The following PIK3C2A variants were observed in gnomAD, a reference collection of about 807,000 sequenced individuals.
PIK3C2A encodes the protein phosphatidylinositol-4-phosphate 3-kinase catalytic subunit type 2 alpha, also known as phosphatidylinositol 4-phosphate 3-kinase C2 domain-containing subunit alpha.
A neutral mutation model predicts 204.5 loss-of-function variants in PIK3C2A; 97 were observed. The ratio of observed to expected loss-of-function variants is 0.47; its 90% CI spans 0.40 to 0.56. The LOEUF is 0.56. Ranked by LOEUF, PIK3C2A falls within the 20% of genes least tolerant of loss-of-function variation. The pLI, the probability that PIK3C2A is intolerant of heterozygous loss-of-function variation, is 0.00. For synonymous variants in PIK3C2A, 653 were observed against 664.4 expected (o/e 0.98, Z 0.26); for missense variants, 1,735 against 1,969.2 (o/e 0.88, Z 2.25).
chr11:17,153,104 G>A (rs1163317725), intron 3 of PIK3C2A, among the ~76,000 whole-genome samples: 1 of 152,046 alleles, frequency 6.6e-6, no homozygotes, highest in South Asian at 2.1e-4. Flanking sequence ...CAAATAAAGT[G>A]GCAATAACTT....
intron 1 of PIK3C2A, among the ~76,000 whole-genome samples, chr11:17,170,566 T>A (rs1851123560): frequency 6.6e-6 from 1 of 151,544 alleles, no homozygotes; most frequent in African/African-American, 2.5e-5. Flanking sequence ...TCCTTAAATA[T>A]TTTTATTCTT....
intron 25 of PIK3C2A, among the ~76,000 whole-genome samples, chr11:17,100,277 G>A (rs1848588665): frequency 1.3e-5 from 2 of 148,950 alleles, no homozygotes; most frequent in East Asian, 2.0e-4. Flanking sequence ...AGCCGGGTGC[G>A]ATCTTGGCTC....
At chr11:17,092,547 CTA>C (rs1848339592) in intron 28 of PIK3C2A, among the ~76,000 whole-genome samples, 1 of 152,080 alleles carries the variant, frequency 6.6e-6, no homozygotes, top group South Asian at 2.1e-4. Context: ...AATCAGATAC[CTA>C]TAATCCCAGC....
At chr11:17,090,692 G>T (rs188033481) in intron 32 of PIK3C2A, among the ~76,000 whole-genome samples, 1 of 151,866 alleles carries the variant, frequency 6.6e-6, no homozygotes, top group Non-Finnish European at 1.5e-5. Flanking sequence ...ACTGTTATTG[G>T]TGTACACTGT....
At chr11:17,206,880 A>T (rs1014382548) in intron 1 of PIK3C2A, among the ~76,000 whole-genome samples, 2 of 152,200 alleles carry the variant, frequency 1.3e-5, no homozygotes, top group African/African-American at 4.8e-5. Context: ...ATTTCAGGAC[A>T]TTCTTTAATA....
chr11:17,168,671 CTA>C lies in PIK3C2A; in HGVS notation c.1065+4_1065+5del. 1 of 1,505,918 alleles carries C rather than the reference CTA, an allele frequency of 6.6e-7. No individual in the cohort carries two copies. The highest frequency in any genetic ancestry group is 9.0e-7 in the Non-Finnish European group (1 of 1,112,910). The allele number at this position is 1,505,918 out of a possible 1,614,324, so 93.3% of individuals were successfully genotyped here. ...AGTTTGAGAAGTTAGTAAGAAAAGA[CTA>C]TACCTGAGATATATGGCCCTGGGCT... On this transcript the variant is annotated splice_donor_5th_base_variant and intron_variant, in intron 2 of 32. Transcript: ENST00000691414.
Position 17,099,873 on chromosome 11 carries a change from T to C in PIK3C2A, c.4105A>G (p.Ile1369Val), listed in dbSNP as rs1848565459. 6.7e-7 allele frequency: 1 copy of C among 1,484,030 alleles called. No homozygotes were observed. The highest frequency in any genetic ancestry group is 2.3e-5 in the East Asian group (1 of 44,228). 91.9% of individuals were successfully genotyped at this position (1,484,030 alleles called of 1,614,324 possible). The stretch of plus-strand genomic sequence containing the variant: ...AATATGCTTTACCTAGTAAAGAAAA[T>C]TGTAGCTTCTGCGTCTGTAGTTTGG... ...QPQTTDAEAT[I>V]FFTRLIESSL... is the part of the protein sequence containing the mutation. Residue 1369 changes from isoleucine to valine, a missense_variant, in exon 26 of 33, where the codon ATT (isoleucine) becomes GTT (valine). Transcript: ENST00000691414.
chr11:17,197,079 A>G (rs1365428734), intron 1 of PIK3C2A, among the ~76,000 whole-genome samples: 2 of 151,784 alleles, frequency 1.3e-5, no homozygotes, highest in Non-Finnish European at 2.9e-5. Flanking sequence ...TGGGAGGATC[A>G]CAAGGTCAGG....
intron 1 of PIK3C2A, chr11:17,193,861 A>AGAAAAGAGGAGGGGAG (rs1246079922): frequency 1.4e-5 from 1 of 74,004 alleles, no homozygotes; most frequent in Admixed American, 1.7e-4. Flanking sequence ...AGAAAAGAAA[A>AGAAAAGAGGAGGGGAG]GAAAAGAAAA....
chr11:17,101,850 G>C (rs545307052), intron 24 of PIK3C2A, among the ~76,000 whole-genome samples: 6 of 151,698 alleles, frequency 4.0e-5, no homozygotes, highest in Non-Finnish European at 5.9e-5. Context: ...TGATCCGCCC[G>C]CCTTGGCCTC....
chr11:17,109,935 A>T (rs1159929459), intron 22 of PIK3C2A, among the ~76,000 whole-genome samples: 6 of 152,178 alleles, frequency 3.9e-5, no homozygotes, highest in Non-Finnish European at 7.3e-5. Context: ...TATTTAGGCT[A>T]CACTAGGTTA....
chr11:17,152,595 G>C (rs1850457516), intron 3 of PIK3C2A, among the ~76,000 whole-genome samples: 1 of 152,030 alleles, frequency 6.6e-6, no homozygotes, highest in Admixed American at 6.6e-5. Flanking sequence ...ATGTTCTTAA[G>C]TAACTATCTA....
chr11:17,096,572 T>A (rs77374992), intron 27 of PIK3C2A, among the ~76,000 whole-genome samples: 1 of 151,692 alleles, frequency 6.6e-6, no homozygotes, highest in Admixed American at 6.6e-5. Flanking sequence ...AGTAGTAAAA[T>A]AGCTTTTTAA....
At chr11:17,111,319 T>C (rs1473679258) in intron 21 of PIK3C2A, among the ~76,000 whole-genome samples, 2 of 152,224 alleles carry the variant, frequency 1.3e-5, no homozygotes, top group Non-Finnish European at 2.9e-5. Flanking sequence ...ACTACAGTTA[T>C]ACAAGATATT....
chr11:17,114,429 A>G lies in PIK3C2A; in HGVS notation c.3253T>C (p.Phe1085Leu). 6.3e-7 allele frequency: 1 copy of G among 1,586,852 alleles called. No homozygotes were observed. The highest frequency in any genetic ancestry group is 8.7e-7 in the Non-Finnish European group (1 of 1,155,460). Residue 1085 changes from phenylalanine (F) to leucine (L), a missense_variant, in exon 20 of 33, where the codon TTT (phenylalanine) becomes CTT (leucine). Coordinates refer to ENST00000691414, the MANE Select transcript of PIK3C2A (RefSeq NM_002645.4). Reference sequence around the variant, plus strand: ...AGACGGCATTTATTTTTCTGAAAAAAGGACTGTACTCGTTCCATACTTCTT... The same window carrying G: ...AGACGGCATTTATTTTTCTGAAAAAGGGACTGTACTCGTTCCATACTTCTT... ...LQRSMERVQS[F>L]FQKNKCRLPL...
intron 6 of PIK3C2A, 65 bp downstream of exon 6, chr11:17,147,452 T>C (rs1850277173): frequency 5.7e-6 from 5 of 875,814 alleles, no homozygotes; most frequent in East Asian, 2.5e-5. Context: ...AAGTTGAAAA[T>C]TGGCAAATTA....
rs150054793 is a variant in PIK3C2A, at chr11:17,106,154, G to A, written c.3545-849C>T. Among the ~76,000 whole-genome samples the A allele has an allele frequency of 1.1e-3, 162 of 149,334 alleles. 2 individuals carry two copies. The East Asian group carries it at 0.03, about 27-fold the overall frequency. ...TGGCCAGGAATGGTGGCTCATACCT[G>A]TAATTCCAGCACTTTTGGAGGCTGA... is the stretch of plus-strand genomic sequence containing the variant. On this transcript the variant is annotated intron_variant, in intron 22 of 32. Coordinates refer to ENST00000691414, the MANE Select transcript of PIK3C2A (RefSeq NM_002645.4).
intron 24 of PIK3C2A, 32 bp downstream of exon 24, chr11:17,102,630 T>C (rs1336734346): frequency 6.5e-7 from 1 of 1,539,016 alleles, no homozygotes; most frequent in East Asian, 2.3e-5. Context: ...AGGAAGTGCC[T>C]CATTTCTTTG....
chr11:17,120,005 C>T lies in PIK3C2A; in HGVS notation c.2658-31G>A, dbSNP rs12291395. On this transcript the variant is annotated intron_variant, in intron 15 of 32. Coordinates refer to ENST00000691414, the MANE Select transcript of PIK3C2A (RefSeq NM_002645.4). ...TATATAATAGAATTAAATTACTTCT[C>T]AGTGATAACATAATGATATAATCTC... 1.1e-3 allele frequency: 1,056 copies of T among 946,228 alleles called. 15 individuals carry two copies. The African/African-American group carries it at 0.016, about 14-fold the overall frequency. 58.6% of individuals were successfully genotyped at this position (946,228 alleles called of 1,614,324 possible).
Sources: allele counts gnomAD v4.1 joint callset (sites outside exome capture counted in the v4.1 genomes callset), GRCh38; gene constraint gnomAD v4.1.1; transcripts MANE v1.5; gene names NCBI Gene and HGNC (gene_info 2026-07-23, HGNC 2026-07-21).